The following PKIA variants were observed in gnomAD, a reference collection of about 807,000 sequenced individuals.
PKIA encodes PKI-alpha.
PKIA carries 4 observed loss-of-function variants against 7.6 expected under a neutral mutation model. That is an observed-to-expected ratio of 0.52 (90% CI 0.26 to 1.20). The LOEUF (loss-of-function observed/expected upper bound fraction) is 1.20. PKIA is among the 50% of genes most tolerant of loss of function. PKIA has a pLI of 0.13. For synonymous variants in PKIA, 21 were observed against 30.7 expected (o/e 0.68, Z 1.04); for missense variants, 73 against 86.2 (o/e 0.85, Z 0.61).
intron 2 of PKIA, among the ~76,000 whole-genome samples, chr8:78,587,048 C>T (rs979300055): frequency 9.2e-5 from 14 of 152,100 alleles, no homozygotes; most frequent in Non-Finnish European, 2.1e-4. Flanking sequence ...TATCTTGGAA[C>T]AGACCAGAAA....
At chr8:78,552,329 TAAAA>T (rs34033112) in intron 1 of PKIA, among the ~76,000 whole-genome samples, 1 of 137,184 alleles carries the variant, frequency 7.3e-6, no homozygotes, top group Admixed American at 7.4e-5. Flanking sequence ...ACCATTTTCT[TAAAA>T]AAAAAAAAAA....
intron 1 of PKIA, among the ~76,000 whole-genome samples, chr8:78,549,286 A>C (rs1481594702): frequency 6.6e-6 from 1 of 152,084 alleles, no homozygotes. Context: ...ATATAATGTA[A>C]GTTACTAAAA....
intron 1 of PKIA, among the ~76,000 whole-genome samples, chr8:78,560,679 T>A (rs930652435): frequency 3.3e-5 from 5 of 152,166 alleles, no homozygotes; most frequent in African/African-American, 1.2e-4. Context: ...TTTAGACCAA[T>A]GGCCGAGGAA....
At chr8:78,576,582 T>TAAATA (rs1046749033) in intron 2 of PKIA, among the ~76,000 whole-genome samples, 8 of 151,962 alleles carry the variant, frequency 5.3e-5, no homozygotes, top group Admixed American at 3.9e-4. Flanking sequence ...AAAATAGATG[T>TAAATA]AAATAAAATA....
chr8:78,554,641 C>T (rs949585185), intron 1 of PKIA, among the ~76,000 whole-genome samples: 7 of 151,876 alleles, frequency 4.6e-5, no homozygotes, highest in African/African-American at 1.5e-4. Context: ...GATACTAATA[C>T]AGACATAATA....
chr8:78,541,876 A>G lies in PKIA; in HGVS notation c.-157+25408A>G, dbSNP rs1030792162. ...AAGGTTAGCTTTCTCTTTCAAGAGT[A>G]TAAGAGGCAGGGGCTGGGTGTGGTG... is the stretch of plus-strand genomic sequence containing the variant. On this transcript the variant is annotated intron_variant, in intron 1 of 3. Transcript: ENST00000396418. Among the ~76,000 whole-genome samples, 165 of 150,480 alleles carry G rather than the reference A, an allele frequency of 1.1e-3. 4 individuals carry two copies. Among genetic ancestry groups the G allele is most frequent in the Admixed American group, 2.1e-3 (32 of 15,060 alleles).
At chr8:78,583,138 A>G (rs1246433582) in intron 2 of PKIA, among the ~76,000 whole-genome samples, 2 of 152,140 alleles carry the variant, frequency 1.3e-5, no homozygotes, top group Non-Finnish European at 1.5e-5. Context: ...TCTTACTTCA[A>G]AGGCCTTTTA....
chr8:78,562,269 T>A (rs1807304011), intron 1 of PKIA, among the ~76,000 whole-genome samples: 1 of 152,206 alleles, frequency 6.6e-6, no homozygotes, highest in Non-Finnish European at 1.5e-5. Context: ...ATCAGTGAAC[T>A]AGTCATTTTT....
chr8:78,541,138 T>A (rs1223324146), intron 1 of PKIA, among the ~76,000 whole-genome samples: 1 of 152,164 alleles, frequency 6.6e-6, no homozygotes, highest in Non-Finnish European at 1.5e-5. Flanking sequence ...TATCATCGTC[T>A]ACTCTCCAAA....
chr8:78,524,191 A>G (rs1563565810), intron 1 of PKIA, among the ~76,000 whole-genome samples: 1 of 126,718 alleles, frequency 7.9e-6, no homozygotes, highest in Non-Finnish European at 1.6e-5. Flanking sequence ...TTTATATATA[A>G]ACATTTATAT....
At chr8:78,583,880 A>C (rs571520532) in intron 2 of PKIA, among the ~76,000 whole-genome samples, 4 of 152,198 alleles carry the variant, frequency 2.6e-5, no homozygotes, top group African/African-American at 9.6e-5. Context: ...TTTTTCAAAA[A>C]AGAAATTTGC....
intron 2 of PKIA, among the ~76,000 whole-genome samples, chr8:78,593,806 T>C (rs1158122011): frequency 6.6e-6 from 1 of 152,218 alleles, no homozygotes; most frequent in African/African-American, 2.4e-5. Flanking sequence ...TTATTAACTA[T>C]GTGAATATGG....
rs1808425786 is a variant in PKIA, at chr8:78,604,413, A to T, written c.*2592A>T. ...GTCACCAAGGAGCTTTCCAGGGCAC[A>T]TGTCATAAAATTAGAGCCAACTGCA... On this transcript the variant is annotated 3_prime_UTR_variant, in exon 4 of 4. Coordinates refer to ENST00000396418, the MANE Select transcript of PKIA (RefSeq NM_006823.4). 6.6e-6 allele frequency: 1 copy of T among 151,974 alleles called. No individual in the cohort carries two copies. Among genetic ancestry groups the T allele is most frequent in the South Asian group, 2.1e-4 (1 of 4,836 alleles). The allele number at this position is 151,974 out of a possible 1,614,324, so 9.4% of individuals were successfully genotyped here. A position where few individuals can be genotyped will look rare whatever the true frequency, so the allele number is the denominator to read the frequency against.
At position 78,527,795 on chromosome 8, in the gene PKIA, T is replaced by C. The variant is rs1252629783; in HGVS notation, c.-157+11327T>C. Among the ~76,000 whole-genome samples the C allele has an allele frequency of 5.3e-5, 8 of 151,482 alleles. No homozygotes were observed. In the East Asian group the frequency reaches 1.5e-3, roughly 29 times the overall value. On this transcript the variant is annotated intron_variant, in intron 1 of 3. Transcript: ENST00000396418. ...AAAATGCACCTGTTTCATTTTGTTA[T>C]TTTTTTAACCCATAAGTTATTTGGC... is the stretch of plus-strand genomic sequence containing the variant.
intron 2 of PKIA, among the ~76,000 whole-genome samples, chr8:78,580,431 C>A (rs1416635481): frequency 6.6e-6 from 1 of 151,952 alleles, no homozygotes; most frequent in African/African-American, 2.4e-5. Flanking sequence ...CAATTTAGTA[C>A]AAAAGCCATT....
rs886300498 is a variant in PKIA, at chr8:78,564,705, CA to C, written c.-156-8098del. 9.5e-4 allele frequency among the ~76,000 whole-genome samples: 143 copies of C among 150,414 alleles called. 2 individuals are homozygous for C. Among genetic ancestry groups the C allele is most frequent in the African/African-American group, 3.2e-3 (132 of 41,138 alleles). The stretch of plus-strand genomic sequence containing the variant: ...TTCATTGTCCTGTCATGTGTAATAA[CA>C]AAAAAAATGGAAACACATTTAATTT... On this transcript the variant is annotated intron_variant, in intron 1 of 3. Transcript: ENST00000396418.
chr8:78,585,982 A>G (rs1177359482), intron 2 of PKIA, among the ~76,000 whole-genome samples: 2 of 152,138 alleles, frequency 1.3e-5, no homozygotes, highest in African/African-American at 4.8e-5. Flanking sequence ...ATCTAGATGC[A>G]ATTCTAAAAT....
At chr8:78,544,295 A>G (rs555151444) in intron 1 of PKIA, among the ~76,000 whole-genome samples, 1 of 152,110 alleles carries the variant, frequency 6.6e-6, no homozygotes, top group Non-Finnish European at 1.5e-5. Context: ...GCTTTGCTCT[A>G]TATTTTCTAG....
chr8:78,584,847 C>T (rs1011307795), intron 2 of PKIA, among the ~76,000 whole-genome samples: 2 of 152,028 alleles, frequency 1.3e-5, no homozygotes, highest in African/African-American at 2.4e-5. Context: ...TTTAACGTCT[C>T]AGTTCACAGA....
Sources: allele counts gnomAD v4.1 joint callset (sites outside exome capture counted in the v4.1 genomes callset), GRCh38; gene constraint gnomAD v4.1.1; transcripts MANE v1.5; gene names NCBI Gene and HGNC (gene_info 2026-07-23, HGNC 2026-07-21).